Variants in HECW1 observed in about 807,000 individuals in gnomAD.
HECW1 encodes E3 ubiquitin-protein ligase HECW1.
In HECW1, 61 loss-of-function variants were observed where a neutral mutation model predicts 182.3. That is an observed-to-expected ratio of 0.33 (90% confidence interval 0.27 to 0.41). HECW1 has a LOEUF of 0.41. Ranked by LOEUF, HECW1 falls within the 10% of genes least tolerant of loss-of-function variation. The probability of loss-of-function intolerance (pLI) is 1.00; values close to 1 mark genes in which losing one functional copy is unlikely to be tolerated. For synonymous variants in HECW1, 859 were observed against 832.6 expected, an observed-to-expected ratio of 1.03 and a Z score of -0.55; for missense variants, 1,739 against 2,108.9, an observed-to-expected ratio of 0.82 and a Z score of 3.44.
intron 21 of HECW1, among the ~76,000 whole-genome samples, chr7:43,502,991 C>T (rs986935556): frequency 2.0e-5 from 3 of 152,080 alleles, no homozygotes; most frequent in Admixed American, 1.3e-4. Flanking sequence ...TCAGTACTGC[C>T]GTAGGTCTCC....
chr7:43,295,270 G>A (rs1387707457), intron 3 of HECW1, among the ~76,000 whole-genome samples: 2 of 152,134 alleles, frequency 1.3e-5, no homozygotes, highest in Non-Finnish European at 2.9e-5. Context: ...TTTTATAGTT[G>A]TGAGGGAGGT....
At chr7:43,172,408 A>G (rs952016047) in intron 2 of HECW1, among the ~76,000 whole-genome samples, 1 of 138,866 alleles carries the variant, frequency 7.2e-6, no homozygotes, top group African/African-American at 2.7e-5. Flanking sequence ...AAAAATCTCT[A>G]GAAATCCTAG....
At chr7:43,420,752 A>G (rs2076156351) in intron 8 of HECW1, among the ~76,000 whole-genome samples, 1 of 152,234 alleles carries the variant, frequency 6.6e-6, no homozygotes, top group African/African-American at 2.4e-5. Flanking sequence ...CAGAGGAGGA[A>G]TATGGTTACA....
In HECW1 at chr7:43,558,047, G is replaced by A. The variant is rs562041761; in HGVS notation, c.4709+3257G>A. Among the ~76,000 whole-genome samples, 27 of 152,306 alleles carry A rather than the reference G, an allele frequency of 1.8e-4. No homozygotes were observed. In the South Asian group the frequency reaches 2.5e-3, roughly 14 times the overall value. The stretch of plus-strand genomic sequence containing the variant: ...GAAGAATGTCCATCCACGTCACAGC[G>A]TGTGGGGCAGTGAGCAATTTCCACC... On this transcript the variant is annotated intron_variant, in intron 29 of 29. Transcript: ENST00000395891.
At chr7:43,227,671 A>G (rs1797549186) in intron 2 of HECW1, among the ~76,000 whole-genome samples, 1 of 152,212 alleles carries the variant, frequency 6.6e-6, no homozygotes, top group Non-Finnish European at 1.5e-5. Flanking sequence ...GAAATTATTA[A>G]CATTATTTTA....
chr7:43,234,902 A>G (rs1402573393), intron 2 of HECW1, among the ~76,000 whole-genome samples: 1 of 152,218 alleles, frequency 6.6e-6, no homozygotes, highest in African/African-American at 2.4e-5. Context: ...GAAAGGAAAT[A>G]TGTGCACAGC....
At chr7:43,341,615 G>C (rs1813008257) in intron 5 of HECW1, among the ~76,000 whole-genome samples, 1 of 151,690 alleles carries the variant, frequency 6.6e-6, no homozygotes, top group Non-Finnish European at 1.5e-5. Context: ...GTATAAGTTA[G>C]GCAAATGTGA....
intron 7 of HECW1, among the ~76,000 whole-genome samples, chr7:43,397,999 G>T (rs1273590039): frequency 6.6e-6 from 1 of 152,200 alleles, no homozygotes; most frequent in Non-Finnish European, 1.5e-5. Context: ...GCTCACACCT[G>T]TAATCCCAGC....
intron 2 of HECW1, among the ~76,000 whole-genome samples, chr7:43,217,693 C>A (rs1408559902): frequency 6.6e-6 from 1 of 152,204 alleles, no homozygotes. Flanking sequence ...TTAGGCATCA[C>A]TCCTCTTCTC....
At chr7:43,351,678 C>CTTTTTTTTTTTTTTTTTTTTTTTTTTCT (rs200929407) in intron 5 of HECW1, among the ~76,000 whole-genome samples, 1 of 120,574 alleles carries the variant, frequency 8.3e-6, no homozygotes, top group Non-Finnish European at 1.7e-5. Context: ...TTTCTTTCTT[C>CTTTTTTTTTTTTTTTTTTTTTTTTTTCT]TTTTTTTTTT....
intron 2 of HECW1, among the ~76,000 whole-genome samples, chr7:43,226,540 C>T (rs564766453): frequency 6.6e-6 from 1 of 152,322 alleles, no homozygotes; most frequent in South Asian, 2.1e-4. Flanking sequence ...CATTGTCACT[C>T]AACTGACAGG....
chr7:43,377,259 C>A (rs2074368912), intron 6 of HECW1, among the ~76,000 whole-genome samples: 1 of 152,296 alleles, frequency 6.6e-6, no homozygotes, highest in East Asian at 1.9e-4. Context: ...GTGCTTTTTA[C>A]CCTTCTTGCT....
At chr7:43,539,651 A>G (rs1008371069) in intron 24 of HECW1, among the ~76,000 whole-genome samples, 1 of 93,002 alleles carries the variant, frequency 1.1e-5, no homozygotes, top group Non-Finnish European at 2.1e-5. Context: ...CTGGACCCTC[A>G]GGGGCCACCT....
At chr7:43,237,177 G>C (rs1473348783) in intron 2 of HECW1, among the ~76,000 whole-genome samples, 1 of 136,500 alleles carries the variant, frequency 7.3e-6, no homozygotes, top group Non-Finnish European at 1.6e-5. Flanking sequence ...AGGTAGGTAG[G>C]TAGGTAGGTA....
Position 43,479,711 on chromosome 7 carries a change from C to T in HECW1, c.3201C>T (p.His1067=), listed in dbSNP as rs753518384. The part of the protein sequence containing the change: ...RLPNHLTHRQ[H]LQRLRSYSAG... Reference sequence around the variant, plus strand: ...CCAATCATCTAACTCACCGACAGCACCTCCAGAGGCTCCGAAGTTACAGCG... The same window carrying T: ...CCAATCATCTAACTCACCGACAGCATCTCCAGAGGCTCCGAAGTTACAGCG... Residue 1067 remains histidine, a synonymous_variant, in exon 17 of 30, where the codon CAC becomes CAT. Transcript: ENST00000395891. The T allele has an allele frequency of 2.0e-5, 32 of 1,613,976 alleles. No individual in the cohort carries two copies. The highest frequency in any genetic ancestry group is 2.6e-5 in the Non-Finnish European group (31 of 1,180,012).
intron 24 of HECW1, among the ~76,000 whole-genome samples, chr7:43,538,865 A>C (rs1478330358): frequency 6.6e-6 from 1 of 152,214 alleles, no homozygotes; most frequent in Non-Finnish European, 1.5e-5. Flanking sequence ...TATTGTGAAG[A>C]GTGGTAGTAA....
chr7:43,516,416 A>G (rs965928055), intron 24 of HECW1, among the ~76,000 whole-genome samples: 6 of 152,204 alleles, frequency 3.9e-5, no homozygotes, highest in Admixed American at 3.9e-4. Context: ...TTTAAACTAA[A>G]ATAAAATAAA....
In HECW1 at chr7:43,381,774, T is replaced by C. The variant is rs573696791; in HGVS notation, c.556-15040T>C. 8.0e-4 allele frequency among the ~76,000 whole-genome samples: 122 copies of C among 152,294 alleles called. 1 individual carries two copies. Among genetic ancestry groups the C allele is most frequent in the Middle Eastern group, 6.8e-3 (2 of 294 alleles). Reference sequence around the variant, plus strand: ...CTCGACCTCAGGTGATCTGCCTGCCTTGGCCTCACAAAGTGCTGGGATTAT... The same window carrying C: ...CTCGACCTCAGGTGATCTGCCTGCCCTGGCCTCACAAAGTGCTGGGATTAT... On this transcript the variant is annotated intron_variant, in intron 6 of 29. Coordinates refer to ENST00000395891, the MANE Select transcript of HECW1 (RefSeq NM_015052.5).
At chr7:43,147,332 A>C (rs1788828976) in intron 2 of HECW1, 1 of 152,206 alleles carries the variant, frequency 6.6e-6, no homozygotes, top group Admixed American at 6.5e-5. Context: ...ATCCAATTGA[A>C]ATAGTGACAT....
Sources: allele counts gnomAD v4.1 joint callset (sites outside exome capture counted in the v4.1 genomes callset), GRCh38; gene constraint gnomAD v4.1.1; transcripts MANE v1.5; gene names NCBI Gene and HGNC (gene_info 2026-07-23, HGNC 2026-07-21).